CDK14: variants seen among roughly 807,000 people sequenced by gnomAD.
CDK14 encodes cyclin-dependent kinase 14.
A neutral mutation model predicts 60.7 loss-of-function variants in CDK14; 34 were observed. The observed-to-expected ratio is 0.56, with a 90% confidence interval of 0.43 to 0.75. The LOEUF (loss-of-function observed/expected upper bound fraction) is 0.75. CDK14 is among the 30% of genes least tolerant of loss of function. The probability of loss-of-function intolerance (pLI) is 0.00; values close to 1 mark genes in which losing one functional copy is unlikely to be tolerated. For missense variants in CDK14, 482 were observed against 564.1 expected (o/e 0.85, Z 1.47); for synonymous variants, 197 against 203.7 (o/e 0.97, Z 0.28).
chr7:91,164,176 C>T (rs79161412), intron 14 of CDK14, among the ~76,000 whole-genome samples: 2,701 of 152,258 alleles, frequency 0.018, 53 homozygotes, highest in African/African-American at 0.06. Flanking sequence ...GAATAAATTA[C>T]GGTATAGCTA....
intron 3 of CDK14, among the ~76,000 whole-genome samples, chr7:90,735,428 G>C (rs1018171607): frequency 1.3e-5 from 2 of 152,154 alleles, no homozygotes; most frequent in Non-Finnish European, 2.9e-5. Context: ...CCTTTCCCCC[G>C]TTGCTCTGTC....
intron 14 of CDK14, among the ~76,000 whole-genome samples, chr7:91,205,944 C>T (rs1802882832): frequency 6.6e-6 from 1 of 152,074 alleles, no homozygotes; most frequent in Non-Finnish European, 1.5e-5. Flanking sequence ...TACAGGCACA[C>T]ACCACCACGC....
At chr7:91,045,048 G>C (rs1319360068) in intron 10 of CDK14, among the ~76,000 whole-genome samples, 2 of 152,228 alleles carry the variant, frequency 1.3e-5, no homozygotes, top group African/African-American at 4.8e-5. Flanking sequence ...AGCTTACATG[G>C]CTGGTAAATA....
chr7:90,995,219 A>G (rs1397562616), intron 10 of CDK14, among the ~76,000 whole-genome samples: 1 of 152,154 alleles, frequency 6.6e-6, no homozygotes, highest in Non-Finnish European at 1.5e-5. Context: ...GCTCTGAGGG[A>G]AGCCAGCTGC....
intron 5 of CDK14, among the ~76,000 whole-genome samples, chr7:90,830,672 G>T (rs1281545083): frequency 6.6e-6 from 1 of 152,022 alleles, no homozygotes; most frequent in Non-Finnish European, 1.5e-5. Flanking sequence ...AAACTTTTAT[G>T]CTCTGCCTCC....
At chr7:90,915,511 A>C (rs1000053545) in intron 7 of CDK14, among the ~76,000 whole-genome samples, 1 of 152,180 alleles carries the variant, frequency 6.6e-6, no homozygotes, top group Admixed American at 6.5e-5. Context: ...GCACCCCCCA[A>C]AAAATAATGC....
intron 5 of CDK14, among the ~76,000 whole-genome samples, chr7:90,816,701 G>A (rs1584005159): frequency 6.6e-6 from 1 of 152,164 alleles, no homozygotes; most frequent in South Asian, 2.1e-4. Flanking sequence ...GAGGTTGATA[G>A]GACTACGTAC....
At chr7:91,159,175 A>G (rs1343616013) in intron 14 of CDK14, among the ~76,000 whole-genome samples, 2 of 152,242 alleles carry the variant, frequency 1.3e-5, no homozygotes, top group African/African-American at 2.4e-5. Flanking sequence ...CTGGCTTGGT[A>G]TCATGACTGT....
intron 5 of CDK14, among the ~76,000 whole-genome samples, chr7:90,831,073 A>G (rs990517605): frequency 2.0e-5 from 3 of 152,138 alleles, no homozygotes; most frequent in Non-Finnish European, 4.4e-5. Context: ...GCCTCTGTCC[A>G]TTACCCAGTT....
At chr7:90,837,374 A>G (rs773392034) in intron 5 of CDK14, among the ~76,000 whole-genome samples, 3 of 147,934 alleles carry the variant, frequency 2.0e-5, no homozygotes, top group African/African-American at 5.0e-5. Context: ...TGCAACCTCC[A>G]CCTCCTGGGT....
At chr7:90,764,254 G>A (rs1283669833) in intron 4 of CDK14, among the ~76,000 whole-genome samples, 1 of 152,134 alleles carries the variant, frequency 6.6e-6, no homozygotes, top group Non-Finnish European at 1.5e-5. Flanking sequence ...TGTGAAATAG[G>A]AACTAATCAA....
chr7:90,802,964 T>G (rs1276013702), intron 5 of CDK14, among the ~76,000 whole-genome samples: 1 of 152,200 alleles, frequency 6.6e-6, no homozygotes, highest in Non-Finnish European at 1.5e-5. Context: ...TCTTTCTTAT[T>G]GGAAGCATCT....
intron 10 of CDK14, among the ~76,000 whole-genome samples, chr7:91,021,551 A>C (rs1278863447): frequency 6.6e-6 from 1 of 152,218 alleles, no homozygotes; most frequent in African/African-American, 2.4e-5. Context: ...AAAAATGAAC[A>C]AGTACAAGAA....
At chr7:91,115,892 A>G (rs1184132470) in intron 13 of CDK14, among the ~76,000 whole-genome samples, 1 of 152,216 alleles carries the variant, frequency 6.6e-6, no homozygotes, top group African/African-American at 2.4e-5. Context: ...GTTACATAGT[A>G]CCAAAATTTA....
chr7:91,090,789 T>C (rs73230832), intron 12 of CDK14, among the ~76,000 whole-genome samples: 2,011 of 152,298 alleles, frequency 0.013, 19 homozygotes, highest in Non-Finnish European at 0.02. Flanking sequence ...GTCTCTCTCT[T>C]GGGTATCCAG....
intron 7 of CDK14, among the ~76,000 whole-genome samples, chr7:90,900,402 T>C (rs890347344): frequency 1.3e-5 from 2 of 152,180 alleles, no homozygotes; most frequent in African/African-American, 4.8e-5. Context: ...CATTAACATA[T>C]AGTTTATTAG....
chr7:90,969,464 ATTT>A (rs1267492446), intron 9 of CDK14, among the ~76,000 whole-genome samples: 1 of 152,180 alleles, frequency 6.6e-6, no homozygotes, highest in African/African-American at 2.4e-5. Flanking sequence ...TTTTGCTTTG[ATTT>A]TTAAGATAAT....
intron 6 of CDK14, among the ~76,000 whole-genome samples, chr7:90,890,256 C>T (rs1289102387): frequency 6.6e-6 from 1 of 152,128 alleles, no homozygotes; most frequent in Non-Finnish European, 1.5e-5. Context: ...GCCTGTAGTC[C>T]TAGCTACTTG....
At chr7:90,720,885 T>G (rs1802424556) in intron 2 of CDK14, among the ~76,000 whole-genome samples, 1 of 152,206 alleles carries the variant, frequency 6.6e-6, no homozygotes, top group South Asian at 2.1e-4. Flanking sequence ...AGTTATTGAC[T>G]GTTGGGGTCC....
Sources: gnomAD v4.1 joint callset for allele counts (sites outside exome capture counted in the v4.1 genomes callset) on GRCh38, gnomAD v4.1.1 for gene constraint, MANE v1.5 for transcripts, NCBI Gene and HGNC (gene_info 2026-07-23, HGNC 2026-07-21) for gene names.